The following CEP112 variants were observed in gnomAD, a reference collection of about 807,000 sequenced individuals.
CEP112 encodes centrosomal protein of 112 kDa.
Under a neutral mutation model 153.0 loss-of-function variants are expected in CEP112, and 127 were observed. That is an observed-to-expected ratio of 0.83 (90% CI 0.72 to 0.96). The LOEUF (loss-of-function observed/expected upper bound fraction) is 0.96, where lower values mean the gene tolerates loss of function less well. Ranked by LOEUF, CEP112 falls within the 40% of genes least tolerant of loss-of-function variation. The probability of loss-of-function intolerance (pLI) is 0.00; values close to 1 mark genes in which losing one functional copy is unlikely to be tolerated. For missense variants in CEP112, 1,089 were observed against 1,101.2 expected (o/e 0.99, Z 0.16); for synonymous variants, 358 against 374.4 (o/e 0.96, Z 0.51).
chr17:65,814,451 C>T (rs1346759834), intron 21 of CEP112, among the ~76,000 whole-genome samples: 2 of 152,136 alleles, frequency 1.3e-5, no homozygotes, highest in African/African-American at 4.8e-5. Flanking sequence ...CCAAATTATT[C>T]AAACGATTTA....
intron 1 of CEP112, among the ~76,000 whole-genome samples, chr17:66,185,952 G>A (rs752834406): frequency 6.6e-6 from 1 of 151,844 alleles, no homozygotes; most frequent in African/African-American, 2.4e-5. Flanking sequence ...TAAGTAAATC[G>A]TAGCTTTTAC....
intron 20 of CEP112, among the ~76,000 whole-genome samples, chr17:65,856,468 AGAG>A (rs2058124526): frequency 2.0e-5 from 3 of 152,222 alleles, no homozygotes; most frequent in African/African-American, 4.8e-5. Context: ...CTCTTAAGGA[AGAG>A]TACATATTTA....
chr17:66,040,725 G>C (rs989957946), intron 12 of CEP112, among the ~76,000 whole-genome samples: 1 of 152,102 alleles, frequency 6.6e-6, no homozygotes, highest in Non-Finnish European at 1.5e-5. Context: ...GCTGGTCTCA[G>C]GTGATCTGCC....
chr17:65,826,610 G>C, intron 21 of CEP112: 2 of 1,192,162 alleles, frequency 1.7e-6, no homozygotes, highest in Non-Finnish European at 2.1e-6. Context: ...GCAGAAAATA[G>C]GAAGCAGGCT....
intron 21 of CEP112, among the ~76,000 whole-genome samples, chr17:65,836,232 T>C (rs988845114): frequency 5.3e-5 from 8 of 151,984 alleles, no homozygotes; most frequent in African/African-American, 1.9e-4. Context: ...GAAGGAAGGA[T>C]TTACAAAACA....
intron 20 of CEP112, among the ~76,000 whole-genome samples, chr17:65,890,352 CTCTT>C (rs1309432101): frequency 3.9e-5 from 6 of 152,194 alleles, no homozygotes; most frequent in African/African-American, 1.4e-4. Flanking sequence ...AATCATGCTA[CTCTT>C]TCTGTTTAGA....
At chr17:66,042,478 A>G (rs898661641) in intron 12 of CEP112, among the ~76,000 whole-genome samples, 1 of 152,186 alleles carries the variant, frequency 6.6e-6, no homozygotes, top group Admixed American at 6.5e-5. Flanking sequence ...AGCATCAGAC[A>G]GTTTCTACTA....
intron 24 of CEP112, among the ~76,000 whole-genome samples, chr17:65,647,385 C>G (rs2045498384): frequency 1.3e-5 from 2 of 151,090 alleles, no homozygotes; most frequent in Admixed American, 1.3e-4. Context: ...GTTGGTCAGT[C>G]TGGTCTCGAA....
chr17:65,750,901 A>C, intron 21 of CEP112, 177 bp from the exon 22 acceptor site: 3 of 290,216 alleles, frequency 1.0e-5, no homozygotes, highest in African/African-American at 2.2e-5. Flanking sequence ...TTAAAAAGCA[A>C]AAAAAAAAAA....
chr17:66,040,268 T>C (rs1225151974), intron 12 of CEP112, among the ~76,000 whole-genome samples: 1 of 152,192 alleles, frequency 6.6e-6, no homozygotes, highest in Non-Finnish European at 1.5e-5. Context: ...TATGTAGAGA[T>C]ACTGAATTTA....
intron 8 of CEP112, among the ~76,000 whole-genome samples, chr17:66,082,952 C>A (rs1382001204): frequency 6.6e-6 from 1 of 151,810 alleles, no homozygotes; most frequent in African/African-American, 2.4e-5. Context: ...ATCTTCTGAA[C>A]AATATGAATT....
At chr17:65,848,624 G>A (rs1337777352) in intron 21 of CEP112, among the ~76,000 whole-genome samples, 2 of 152,038 alleles carry the variant, frequency 1.3e-5, no homozygotes, top group African/African-American at 2.4e-5. Flanking sequence ...CCTTCTCTGT[G>A]GGTGATTCCC....
intron 18 of CEP112, among the ~76,000 whole-genome samples, chr17:65,956,405 T>TACAC (rs535606142): frequency 1.9e-4 from 28 of 145,040 alleles, no homozygotes; most frequent in South Asian, 9.2e-4. Context: ...TATACATACA[T>TACAC]ACATACACAC....
rs572939904 is a variant in CEP112, at chr17:65,930,615, A to C, written c.1873-2926T>G. 1.2e-4 allele frequency among the ~76,000 whole-genome samples: 18 copies of C among 152,336 alleles called. No individual in the cohort carries two copies. The East Asian group carries it at 3.1e-3, about 26-fold the overall frequency. On this transcript the variant is annotated intron_variant, in intron 18 of 26. Transcript: ENST00000535342. ...ATAATTAGTATTGTGGTCAAGAATA[A>C]ATTTAAGGAATGATTAAAGGAAGCA...
intron 21 of CEP112, among the ~76,000 whole-genome samples, chr17:65,754,098 A>G (rs2052061454): frequency 6.6e-6 from 1 of 152,256 alleles, no homozygotes; most frequent in Non-Finnish European, 1.5e-5. Flanking sequence ...AGGCCTATGG[A>G]GAAGTATCAA....
At chr17:66,103,773 T>A (rs2068663557) in intron 6 of CEP112, among the ~76,000 whole-genome samples, 1 of 152,060 alleles carries the variant, frequency 6.6e-6, no homozygotes, top group African/African-American at 2.4e-5. Context: ...CCTTCTCCTA[T>A]CCCCCAGCAG....
intron 23 of CEP112, among the ~76,000 whole-genome samples, chr17:65,710,226 G>A (rs536726958): frequency 2.6e-5 from 4 of 152,272 alleles, no homozygotes; most frequent in African/African-American, 7.2e-5. Context: ...TTAAGGACAC[G>A]GGCTACTGAA....
At chr17:65,959,705 T>C (rs537730614) in intron 18 of CEP112, among the ~76,000 whole-genome samples, 2 of 152,314 alleles carry the variant, frequency 1.3e-5, no homozygotes, top group South Asian at 2.1e-4. Context: ...GCTTGCAGTA[T>C]ACCTGGTCCA....
intron 19 of CEP112, among the ~76,000 whole-genome samples, chr17:65,912,589 A>C (rs1051180638): frequency 3.9e-5 from 6 of 152,228 alleles, no homozygotes; most frequent in African/African-American, 1.2e-4. Flanking sequence ...CCTCCATAGT[A>C]AGCCAAGGCA....
Sources: gnomAD v4.1 joint callset for allele counts (sites outside exome capture counted in the v4.1 genomes callset) on GRCh38, gnomAD v4.1.1 for gene constraint, MANE v1.5 for transcripts, NCBI Gene and HGNC (gene_info 2026-07-23, HGNC 2026-07-21) for gene names.